Variants in VWA8 observed in about 807,000 individuals in gnomAD.
The protein encoded by VWA8 is von Willebrand factor A domain containing 8, also known as von Willebrand factor A domain-containing protein 8.
VWA8 carries 221 observed loss-of-function variants against 241.5 expected under a neutral mutation model. The observed-to-expected ratio is 0.91, with a 90% CI of 0.82 to 1.02. The LOEUF is 1.02. Ranked by LOEUF, VWA8 falls within the 50% of genes least tolerant of loss-of-function variation. The probability of loss-of-function intolerance (pLI) is 0.00; values close to 1 mark genes in which losing one functional copy is unlikely to be tolerated. For synonymous variants in VWA8, 852 were observed against 827.1 expected (o/e 1.03, Z -0.52); for missense variants, 2,322 against 2,328.7 (o/e 1.00, Z 0.06).
At chr13:41,777,768 T>C (rs541329970) in intron 20 of VWA8, among the ~76,000 whole-genome samples, 1 of 152,288 alleles carries the variant, frequency 6.6e-6, no homozygotes, top group East Asian at 1.9e-4. Flanking sequence ...TAGATACTTA[T>C]AAGACAGAAT....
At position 41,767,425 on chromosome 13, in the gene VWA8, A is replaced by T. The variant is rs576074581; in HGVS notation, c.2350-6221T>A. Among the ~76,000 whole-genome samples, 8 of 152,332 alleles carry T rather than the reference A, an allele frequency of 5.3e-5. No homozygotes were observed. The South Asian group carries it at 1.7e-3, about 32-fold the overall frequency. On this transcript the variant is annotated intron_variant, in intron 20 of 44. Transcript: ENST00000379310. ...TCATTTGAATAGAGAGGCCTTAGAC[A>T]AGCTAATCTCTAAATACTATTTTAC...
At chr13:41,675,700 G>A (rs1444912538) in intron 35 of VWA8, among the ~76,000 whole-genome samples, 3 of 152,022 alleles carry the variant, frequency 2.0e-5, no homozygotes, top group African/African-American at 2.4e-5. Flanking sequence ...GCTCCTGTCC[G>A]AGCTGTGTTA....
chr13:41,680,349 G>A (rs73181201), intron 35 of VWA8, among the ~76,000 whole-genome samples: 5,646 of 152,062 alleles, frequency 0.037, 131 homozygotes, highest in Non-Finnish European at 0.055. Flanking sequence ...CTAATCTTAG[G>A]CCTGTGCATG....
In VWA8 at chr13:41,575,780, T is replaced by G. The variant is rs2044347210; in HGVS notation, c.5330A>C (p.Lys1777Thr). The G allele has an allele frequency of 6.2e-7, 1 of 1,613,466 alleles. No homozygotes were observed. Among genetic ancestry groups the G allele is most frequent in the Non-Finnish European group, 8.5e-7 (1 of 1,179,940 alleles). The change falls in exon 43 of 45, where the codon AAA (lysine) becomes ACA (threonine). Residue 1777 changes from lysine to threonine, a missense_variant. Lys to Thr is a moderately conservative substitution (Grantham distance 78). Transcript: ENST00000379310. The part of the protein sequence containing the change: ...GYNIGLVPMN[K>T]IPKDNKQRLE... Reference sequence around the variant, plus strand: ...TCTTTGCTTATTGTCCTTGGGGATTTTGTTCATTGGAACCAGACCAATGTT... The same window carrying G: ...TCTTTGCTTATTGTCCTTGGGGATTGTGTTCATTGGAACCAGACCAATGTT...
chr13:41,684,201 G>GA (rs1406177997), intron 35 of VWA8, among the ~76,000 whole-genome samples: 2 of 152,230 alleles, frequency 1.3e-5, no homozygotes, highest in Non-Finnish European at 2.9e-5. Flanking sequence ...CAGCTGGGAA[G>GA]AAACTAATTC....
At chr13:41,797,966 G>A (rs1869779163) in intron 17 of VWA8, among the ~76,000 whole-genome samples, 1 of 151,782 alleles carries the variant, frequency 6.6e-6, no homozygotes, top group Admixed American at 6.6e-5. Context: ...CACCTATGTT[G>A]TGCTGACAGG....
At chr13:41,858,495 A>C (rs1179107894) in intron 12 of VWA8, among the ~76,000 whole-genome samples, 2 of 151,976 alleles carry the variant, frequency 1.3e-5, no homozygotes, top group East Asian at 3.9e-4. Context: ...AATCCCAGCT[A>C]CTCGGGAGGC....
chr13:41,767,550 T>G (rs959555136), intron 20 of VWA8, among the ~76,000 whole-genome samples: 8 of 152,210 alleles, frequency 5.3e-5, no homozygotes, highest in African/African-American at 1.9e-4. Context: ...TACATTACTT[T>G]TGTAATCAGA....
chr13:41,722,795 A>C (rs924410796), intron 24 of VWA8, among the ~76,000 whole-genome samples: 1 of 152,114 alleles, frequency 6.6e-6, no homozygotes, highest in African/African-American at 2.4e-5. Context: ...TAATCCAAAG[A>C]ACTTAAGGCA....
intron 42 of VWA8, among the ~76,000 whole-genome samples, chr13:41,577,106 G>C (rs1031694122): frequency 6.6e-6 from 1 of 152,240 alleles, no homozygotes; most frequent in Non-Finnish European, 1.5e-5. Context: ...CATTTGATGA[G>C]AATAGTTGGG....
chr13:41,836,819 G>A (rs771653088), intron 12 of VWA8, among the ~76,000 whole-genome samples: 3 of 152,094 alleles, frequency 2.0e-5, no homozygotes, highest in Non-Finnish European at 4.4e-5. Context: ...ACAATATGCA[G>A]CAGCAGATCA....
intron 42 of VWA8, among the ~76,000 whole-genome samples, chr13:41,579,608 C>G (rs972873101): frequency 5.9e-5 from 9 of 152,234 alleles, no homozygotes; most frequent in African/African-American, 2.2e-4. Flanking sequence ...TAATATCTGT[C>G]TTACCACCTC....
rs1001276359 is a variant in VWA8, at chr13:41,772,443, AAAAC to A, written c.2349+5538_2349+5541del. On this transcript the variant is annotated intron_variant, in intron 20 of 44. Transcript: ENST00000379310. ...AATTGGAAAGTCATACTGTGACAAAAAAACAAAACAAAACAAACAAACAAAAAAA... is the reference window on the plus strand; with the variant it reads ...AATTGGAAAGTCATACTGTGACAAAAAAAACAAAACAAACAAACAAAAAAA... 4.8e-5 allele frequency among the ~76,000 whole-genome samples: 5 copies of A among 105,132 alleles called. No homozygotes were observed. The South Asian group carries it at 1.7e-3, about 36-fold the overall frequency. The allele number at this position is 105,132 out of a possible 152,430, so 69.0% of individuals were successfully genotyped here. A position where few individuals can be genotyped will look rare whatever the true frequency, so the allele number is the denominator to read the frequency against.
At chr13:41,689,307 T>C in intron 34 of VWA8, 47 bp downstream of exon 34, 1 of 1,574,446 alleles carries the variant, frequency 6.4e-7, no homozygotes, top group Non-Finnish European at 8.6e-7. Flanking sequence ...TAGGTCAAAC[T>C]AAGGGAAAGA....
chr13:41,918,457 G>A (rs1245567053), intron 2 of VWA8, among the ~76,000 whole-genome samples: 2 of 152,128 alleles, frequency 1.3e-5, no homozygotes, highest in African/African-American at 2.4e-5. Context: ...AAAAATAAGA[G>A]TATACATGTA....
intron 37 of VWA8, among the ~76,000 whole-genome samples, chr13:41,655,643 T>C (rs2044899483): frequency 6.6e-6 from 1 of 152,204 alleles, no homozygotes; most frequent in Non-Finnish European, 1.5e-5. Context: ...TTCCTATTAT[T>C]TTTATCAGCA....
At chr13:41,917,410 T>A (rs1327907421) in intron 2 of VWA8, among the ~76,000 whole-genome samples, 3 of 152,230 alleles carry the variant, frequency 2.0e-5, no homozygotes, top group Non-Finnish European at 4.4e-5. Context: ...GTCTGTTTCC[T>A]TATTTTCTTT....
At chr13:41,626,254 C>G (rs1473208014) in intron 37 of VWA8, among the ~76,000 whole-genome samples, 1 of 151,824 alleles carries the variant, frequency 6.6e-6, no homozygotes, top group East Asian at 1.9e-4. Context: ...AAAGAAAACA[C>G]TCATAAATCA....
intron 37 of VWA8, among the ~76,000 whole-genome samples, chr13:41,648,352 C>T (rs937286961): frequency 6.6e-6 from 1 of 152,114 alleles, no homozygotes; most frequent in East Asian, 1.9e-4. Flanking sequence ...GCCCTCTTTC[C>T]TCATACAGAA....
Sources: allele counts gnomAD v4.1 joint callset (sites outside exome capture counted in the v4.1 genomes callset), GRCh38; gene constraint gnomAD v4.1.1; transcripts MANE v1.5; gene names NCBI Gene and HGNC (gene_info 2026-07-23, HGNC 2026-07-21).